RORB: variants seen among roughly 807,000 people sequenced by gnomAD.
RORB encodes the protein RAR related orphan receptor B.
Under a neutral mutation model 59.1 loss-of-function variants are expected in RORB, and 6 were observed. That is an observed-to-expected ratio of 0.10 (90% CI 0.06 to 0.20). RORB has a LOEUF of 0.20. RORB is among the 10% of genes least tolerant of loss of function. The pLI, the probability that RORB is intolerant of heterozygous loss-of-function variation, is 1.00. For missense variants in RORB, 320 were observed against 560.5 expected (o/e 0.57, Z 4.33); for synonymous variants, 215 against 204.5 (o/e 1.05, Z -0.44).
intron 4 of RORB, among the ~76,000 whole-genome samples, chr9:74,660,042 T>G (rs907404926): frequency 1.3e-5 from 2 of 152,190 alleles, no homozygotes; most frequent in Non-Finnish European, 2.9e-5. Context: ...TGTAAGATAT[T>G]TACATTGCCC....
intron 1 of RORB, among the ~76,000 whole-genome samples, chr9:74,537,459 A>G (rs778971665): frequency 2.0e-5 from 3 of 152,002 alleles, no homozygotes; most frequent in Non-Finnish European, 4.4e-5. Flanking sequence ...TTTCCCCCAC[A>G]TGAAATCCTC....
chr9:74,508,755 A>G (rs186780887), intron 1 of RORB, among the ~76,000 whole-genome samples: 26 of 152,186 alleles, frequency 1.7e-4, no homozygotes, highest in African/African-American at 6.3e-4. Flanking sequence ...AATTTCTCAA[A>G]TGTCCAATAT....
chr9:74,656,918 C>T (rs1824092199), intron 4 of RORB, among the ~76,000 whole-genome samples: 1 of 152,148 alleles, frequency 6.6e-6, no homozygotes, highest in African/African-American at 2.4e-5. Flanking sequence ...ATCTGTCCAC[C>T]CTAGTCTTAT....
At chr9:74,635,035 G>T (rs976764074) in intron 3 of RORB, among the ~76,000 whole-genome samples, 4 of 152,198 alleles carry the variant, frequency 2.6e-5, no homozygotes, top group African/African-American at 9.7e-5. Context: ...CATAGGCCTA[G>T]GTTGAAGGTG....
In RORB at chr9:74,598,177, CA is replaced by C. The variant is rs756845707; in HGVS notation, c.8-32104del. Among the ~76,000 whole-genome samples, 25 of 152,168 alleles carry C rather than the reference CA, an allele frequency of 1.6e-4. No individual in the cohort carries two copies. In the East Asian group the frequency reaches 4.5e-3, roughly 27 times the overall value. On this transcript the variant is annotated intron_variant, in intron 1 of 9. Transcript: ENST00000376896. ...TCACTCTCTTGGCGTGTCAATTGCCCATCAACCGATTGGGGCCTGGGGTGTT... is the reference window on the plus strand; with the variant it reads ...TCACTCTCTTGGCGTGTCAATTGCCCTCAACCGATTGGGGCCTGGGGTGTT...
chr9:74,538,827 G>A (rs1217043369), intron 1 of RORB, among the ~76,000 whole-genome samples: 1 of 152,080 alleles, frequency 6.6e-6, no homozygotes, highest in South Asian at 2.1e-4. Flanking sequence ...GATAAAACTG[G>A]CAGCTTGGCA....
chr9:74,691,195 G>A lies in RORB; in HGVS notation c.*5577G>A, dbSNP rs1824735215. Reference sequence around the variant, plus strand: ...TGTAAGCATGGCCTCCAGTGGATCAGAGAAAGCAGCTCAGTGATTGTTCTC... The same window carrying A: ...TGTAAGCATGGCCTCCAGTGGATCAAAGAAAGCAGCTCAGTGATTGTTCTC... On this transcript the variant is annotated 3_prime_UTR_variant, in exon 10 of 10. Transcript: ENST00000376896. 1.3e-5 allele frequency: 2 copies of A among 152,222 alleles called. No individual in the cohort carries two copies. Among genetic ancestry groups the A allele is most frequent in the Admixed American group, 6.5e-5 (1 of 15,278 alleles). 9.4% of individuals were successfully genotyped at this position (152,222 alleles called of 1,614,324 possible). A position where few individuals can be genotyped will look rare whatever the true frequency, so the allele number is the denominator to read the frequency against.
intron 1 of RORB, among the ~76,000 whole-genome samples, chr9:74,623,320 A>G (rs1823454854): frequency 6.6e-6 from 1 of 152,218 alleles, no homozygotes; most frequent in South Asian, 2.1e-4. Flanking sequence ...GGTAACAATC[A>G]TTAAATCTGC....
intron 4 of RORB, among the ~76,000 whole-genome samples, chr9:74,646,626 A>C (rs1823904276): frequency 6.7e-6 from 1 of 150,036 alleles, no homozygotes; most frequent in Admixed American, 6.7e-5. Context: ...CAGATAAAGA[A>C]ATTGAGAGTC....
At chr9:74,613,060 A>T (rs1823256297) in intron 1 of RORB, among the ~76,000 whole-genome samples, 1 of 152,238 alleles carries the variant, frequency 6.6e-6, no homozygotes, top group South Asian at 2.1e-4. Context: ...GTAATTACTT[A>T]TGAATTAATT....
chr9:74,502,309 A>G (rs1031140465), intron 1 of RORB, among the ~76,000 whole-genome samples: 2 of 152,232 alleles, frequency 1.3e-5, no homozygotes, highest in African/African-American at 4.8e-5. Flanking sequence ...AATAATACCT[A>G]CTTTTTTCCC....
chr9:74,541,853 T>C (rs1052174510), intron 1 of RORB, among the ~76,000 whole-genome samples: 2 of 152,188 alleles, frequency 1.3e-5, no homozygotes, highest in Admixed American at 1.3e-4. Context: ...CTTCTCCTAA[T>C]GGAGATTCTA....
intron 1 of RORB, among the ~76,000 whole-genome samples, chr9:74,537,513 A>C (rs1274827328): frequency 6.6e-6 from 1 of 152,038 alleles, no homozygotes; most frequent in African/African-American, 2.4e-5. Flanking sequence ...ATCATCAAAC[A>C]GGTGTTTGTT....
At chr9:74,640,477 G>C (rs1021133831) in intron 3 of RORB, among the ~76,000 whole-genome samples, 1 of 152,054 alleles carries the variant, frequency 6.6e-6, no homozygotes, top group Non-Finnish European at 1.5e-5. Context: ...TAGAGACAGG[G>C]TTTCACCACG....
At chr9:74,658,508 A>G (rs540569557) in intron 4 of RORB, among the ~76,000 whole-genome samples, 6 of 152,352 alleles carry the variant, frequency 3.9e-5, no homozygotes, top group African/African-American at 1.4e-4. Context: ...AAGAACAGAT[A>G]AAGTTTTTCA....
chr9:74,633,346 C>T (rs909087113), intron 2 of RORB, among the ~76,000 whole-genome samples: 11 of 152,270 alleles, frequency 7.2e-5, no homozygotes, highest in East Asian at 5.8e-4. Context: ...AACACAGAAG[C>T]TGTTTGAGGG....
intron 1 of RORB, among the ~76,000 whole-genome samples, chr9:74,609,445 T>C (rs1248703362): frequency 1.3e-5 from 2 of 152,170 alleles, no homozygotes; most frequent in Non-Finnish European, 2.9e-5. Flanking sequence ...CAAAATTTCT[T>C]TTTTTTCTTT....
intron 9 of RORB, among the ~76,000 whole-genome samples, chr9:74,673,093 G>A (rs543009199): frequency 6.6e-6 from 1 of 152,094 alleles, no homozygotes; most frequent in Non-Finnish European, 1.5e-5. Context: ...TCTCTTTCAC[G>A]TAACTTTTCA....
At position 74,579,841 on chromosome 9, in the gene RORB, G is replaced by A. The variant is rs115630909; in HGVS notation, c.8-50441G>A. ...CACAGAACATTGCGAGAGCAAGAGC[G>A]GTGTTTCAGAGCTTAAAGAGTTTTA... On this transcript the variant is annotated intron_variant, in intron 1 of 9. Transcript: ENST00000376896. 4.2e-3 allele frequency among the ~76,000 whole-genome samples: 642 copies of A among 152,198 alleles called. 6 individuals are homozygous for A. Among genetic ancestry groups the A allele is most frequent in the African/African-American group, 0.014 (597 of 41,530 alleles).
Sources: gnomAD v4.1 joint callset for allele counts (sites outside exome capture counted in the v4.1 genomes callset) on GRCh38, gnomAD v4.1.1 for gene constraint, MANE v1.5 for transcripts, NCBI Gene and HGNC (gene_info 2026-07-23, HGNC 2026-07-21) for gene names.